The following ZNF667 variants were observed in gnomAD, a reference collection of about 807,000 sequenced individuals.
The protein encoded by ZNF667 is zinc finger protein 667.
A neutral mutation model predicts 31.8 loss-of-function variants in ZNF667; 13 were observed. The observed-to-expected ratio is 0.41, with a 90% CI of 0.27 to 0.65. The LOEUF is 0.65. Ranked by LOEUF, ZNF667 falls within the 30% of genes least tolerant of loss-of-function variation. ZNF667 has a pLI of 0.32. For missense variants in ZNF667, 642 were observed against 725.6 expected (o/e 0.88, Z 1.32); for synonymous variants, 228 against 247.1 (o/e 0.92, Z 0.73).
At chr19:56,458,394 T>C (rs1257567958) in intron 5 of ZNF667, 147 bp from the exon 6 acceptor site, 3 of 656,244 alleles carry the variant, frequency 4.6e-6, no homozygotes, top group Non-Finnish European at 8.1e-6. Context: ...GGGAGTGTGA[T>C]ATTGTGATTT....
intron 3 of ZNF667, among the ~76,000 whole-genome samples, chr19:56,464,367 G>C (rs2043114183): frequency 6.6e-6 from 1 of 152,104 alleles, no homozygotes; most frequent in Admixed American, 6.6e-5. Flanking sequence ...GGTGGTGTGT[G>C]CCTGTAGTCC....
At chr19:56,456,880 A>C (rs192033053) in intron 6 of ZNF667, among the ~76,000 whole-genome samples, 1 of 152,320 alleles carries the variant, frequency 6.6e-6, no homozygotes. Flanking sequence ...TCTAAACTTA[A>C]AAACAGTATT....
At chr19:56,476,941 C>T (rs2043422581) in intron 1 of ZNF667, 1 of 152,948 alleles carries the variant, frequency 6.5e-6, no homozygotes, top group Admixed American at 6.5e-5. Flanking sequence ...TCCATTGTTT[C>T]CTTCGCGTGG....
At chr19:56,467,036 G>C (rs1388707698) in intron 3 of ZNF667, 2 of 456,546 alleles carry the variant, frequency 4.4e-6, no homozygotes, top group East Asian at 1.4e-4. Context: ...CTTATGGTCT[G>C]GATTGGGACC....
intron 6 of ZNF667, among the ~76,000 whole-genome samples, chr19:56,452,706 G>A (rs1391590584): frequency 6.6e-6 from 1 of 152,100 alleles, no homozygotes; most frequent in Non-Finnish European, 1.5e-5. Flanking sequence ...GATCACCTGA[G>A]GTCAGGAGTT....
At chr19:56,452,049 CT>C (rs1342164454) in intron 6 of ZNF667, among the ~76,000 whole-genome samples, 2,691 of 139,208 alleles carry the variant, frequency 0.019, 49 homozygotes, top group African/African-American at 0.054. Context: ...GAAGAAATCT[CT>C]TTTTTTTTTT....
intron 6 of ZNF667, among the ~76,000 whole-genome samples, chr19:56,453,920 TATG>T (rs1428198904): frequency 2.0e-5 from 3 of 152,206 alleles, no homozygotes; most frequent in Non-Finnish European, 4.4e-5. Context: ...TTGCAGATGA[TATG>T]ATCTTTTAGT....
In ZNF667 at chr19:56,458,133, G is replaced by A. The variant is rs1436800028; in HGVS notation, c.253+22C>T. ...GCAGCCCCAGTAGACTGAGACATAT[G>A]CCTTGGTTCTCTGTCACTCACCAGG... On this transcript the variant is annotated intron_variant, in intron 6 of 6. Coordinates refer to ENST00000504904, the MANE Select transcript of ZNF667 (RefSeq NM_001321356.2). 1.9e-6 allele frequency: 3 copies of A among 1,605,006 alleles called. No individual in the cohort carries two copies. The Admixed American group carries it at 5.0e-5, about 27-fold the overall frequency.
rs1371015897 is a variant in ZNF667, at chr19:56,472,103, G to C, written c.-464C>G. 6.6e-6 allele frequency: 1 copy of C among 152,274 alleles called. No individual in the cohort carries two copies. Among genetic ancestry groups the C allele is most frequent in the African/African-American group, 2.4e-5 (1 of 41,454 alleles). The allele number at this position is 152,274 out of a possible 1,614,324, so 9.4% of individuals were successfully genotyped here. On this transcript the variant is annotated 5_prime_UTR_variant, in exon 3 of 7. It introduces an in-frame stop codon into an upstream open reading frame of the 5' UTR. Transcript: ENST00000504904. Reference sequence around the variant, plus strand: ...GGCCTCCCCAGCCACGTAGAACTGTGAGTCTGGGTATGTCTTTATCAGCAG... The same window carrying C: ...GGCCTCCCCAGCCACGTAGAACTGTCAGTCTGGGTATGTCTTTATCAGCAG...
At chr19:56,468,170 C>A (rs2043204740) in intron 3 of ZNF667, 1 of 152,224 alleles carries the variant, frequency 6.6e-6, no homozygotes, top group Admixed American at 6.5e-5. Context: ...ACTTCGGGAA[C>A]TGCTTCAGGC....
At chr19:56,450,565 A>AT (rs1421805720) in intron 6 of ZNF667, among the ~76,000 whole-genome samples, 1 of 152,194 alleles carries the variant, frequency 6.6e-6, no homozygotes, top group Non-Finnish European at 1.5e-5. Flanking sequence ...TGCACAGATA[A>AT]ATACAAAATA....
At chr19:56,467,939 C>T (rs1396765959) in intron 3 of ZNF667, 1 of 152,200 alleles carries the variant, frequency 6.6e-6, no homozygotes, top group Non-Finnish European at 1.5e-5. Context: ...CAAGATTAAA[C>T]TACTGGCCCT....
At chr19:56,457,305 C>G (rs1383193213) in intron 6 of ZNF667, among the ~76,000 whole-genome samples, 2 of 151,868 alleles carry the variant, frequency 1.3e-5, no homozygotes, top group African/African-American at 4.8e-5. Context: ...CAGTCTACAC[C>G]TTCTCTGAAA....
chr19:56,475,106 A>G (rs1353302763), intron 1 of ZNF667: 1 of 152,230 alleles, frequency 6.6e-6, no homozygotes, highest in Non-Finnish European at 1.5e-5. Flanking sequence ...GTTGACTCCA[A>G]AAAGAACACC....
intron 3 of ZNF667, among the ~76,000 whole-genome samples, chr19:56,470,257 T>A (rs1600459461): frequency 1.3e-5 from 2 of 152,306 alleles, no homozygotes; most frequent in South Asian, 2.1e-4. Flanking sequence ...CTGTGGGATG[T>A]GAGTTTGGGA....
chr19:56,461,950 AGC>A (rs2043053825), intron 4 of ZNF667, among the ~76,000 whole-genome samples: 2 of 152,038 alleles, frequency 1.3e-5, no homozygotes, highest in African/African-American at 4.8e-5. Flanking sequence ...CTAACTCCAG[AGC>A]ACATGTCAAG....
intron 3 of ZNF667, among the ~76,000 whole-genome samples, chr19:56,467,494 G>C (rs952155471): frequency 7.9e-5 from 12 of 152,162 alleles, no homozygotes; most frequent in African/African-American, 2.7e-4. Context: ...AGCGGCCCCA[G>C]CTGGGTGTCC....
chr19:56,471,840 T>C lies in ZNF667; in HGVS notation c.-201A>G, dbSNP rs2043298731. 3 of 152,216 alleles carry C rather than the reference T, an allele frequency of 2.0e-5. No homozygotes were observed. Among genetic ancestry groups the C allele is most frequent in the African/African-American group, 7.2e-5 (3 of 41,450 alleles). 9.4% of individuals were successfully genotyped at this position (152,216 alleles called of 1,614,324 possible). ...ACCCCAAATTTGAGAAGATGATTCT[T>C]GTCTGATATGGTCTGGCTGTGTCCC... On this transcript the variant is annotated 5_prime_UTR_variant, in exon 3 of 7. Transcript: ENST00000504904.
chr19:56,441,920 T>G lies in ZNF667; in HGVS notation c.1075A>C (p.Lys359Gln). 1 of 1,614,184 alleles carries G rather than the reference T, an allele frequency of 6.2e-7. No individual in the cohort carries two copies. Among genetic ancestry groups the G allele is most frequent in the South Asian group, 1.1e-5 (1 of 91,084 alleles). The change falls in exon 7 of 7, where the codon AAA (lysine) becomes CAA (glutamine). Residue 359 changes from lysine (K) to glutamine (Q), a missense_variant. Coordinates refer to ENST00000504904, the MANE Select transcript of ZNF667 (RefSeq NM_001321356.2). The surrounding 1 kb of genome is among the most constrained non-coding windows in gnomAD (Gnocchi z 4.2). ...AAGAACTTGTCACATTTATCACATT[T>G]GTACGGTTTCTCTGAAGTGTGAATT... is the stretch of plus-strand genomic sequence containing the variant. ...QRIHTSEKPYKCDKCDKFFRR... is the reference protein window; with the variant it reads ...QRIHTSEKPYQCDKCDKFFRR...
Sources: gnomAD v4.1 joint callset for allele counts (sites outside exome capture counted in the v4.1 genomes callset) on GRCh38, gnomAD v4.1.1 for gene constraint, Gnocchi (gnomAD v3.1) non-coding constraint, MANE v1.5 for transcripts, NCBI Gene and HGNC (gene_info 2026-07-23, HGNC 2026-07-21) for gene names.